The following SRGAP3 variants were observed in gnomAD, a reference collection of about 807,000 sequenced individuals.
The protein encoded by SRGAP3 is SLIT-ROBO Rho GTPase activating protein 3.
Under a neutral mutation model 121.1 loss-of-function variants are expected in SRGAP3, and 39 were observed. The ratio of observed to expected loss-of-function variants is 0.32; its 90% CI spans 0.25 to 0.42. The LOEUF (loss-of-function observed/expected upper bound fraction) is 0.42. Among genes scored for constraint, SRGAP3 ranks in the 10% least tolerant of loss-of-function variants. The pLI is 1.00. For missense variants in SRGAP3, 1,213 were observed against 1,470.6 expected (o/e 0.82, Z 2.86); for synonymous variants, 601 against 570.0 (o/e 1.05, Z -0.77).
intron 1 of SRGAP3, among the ~76,000 whole-genome samples, chr3:9,248,467 A>G (rs1214274416): frequency 6.6e-6 from 1 of 152,020 alleles, no homozygotes; most frequent in Non-Finnish European, 1.5e-5. Context: ...AGAAACCAAA[A>G]AGGGGGAGGA....
In SRGAP3 at chr3:9,296,588, T is replaced by C. The variant is rs559330101; in HGVS notation, n.442+29422A>G. On this transcript the variant is annotated intron_variant and non_coding_transcript_variant, in intron 3 of 3. Transcript: ENST00000490889. ...CCCCAGAGGCAGTGTGGAAGCATAATAGTTAAGAGTACAGGTTCTGGATTC... is the reference window on the plus strand; with the variant it reads ...CCCCAGAGGCAGTGTGGAAGCATAACAGTTAAGAGTACAGGTTCTGGATTC... Among the ~76,000 whole-genome samples, 199 of 152,322 alleles carry C rather than the reference T, an allele frequency of 1.3e-3. 1 individual carries two copies. The highest frequency in any genetic ancestry group is 2.3e-3 in the Non-Finnish European group (156 of 68,032).
chr3:9,277,607 CAAAAA>C (rs35955575), intron 3 of SRGAP3, among the ~76,000 whole-genome samples: 6 of 59,832 alleles, frequency 1.0e-4, no homozygotes, highest in African/African-American at 4.5e-4. Context: ...GAAGCCATCT[CAAAAA>C]AAAAAAAAAA....
chr3:9,150,126 G>A (rs565894137), intron 1 of SRGAP3, among the ~76,000 whole-genome samples: 1 of 152,210 alleles, frequency 6.6e-6, no homozygotes, highest in African/African-American at 2.4e-5. Flanking sequence ...ATACAGGGAG[G>A]TGAGCCTAAT....
intron 3 of SRGAP3, among the ~76,000 whole-genome samples, chr3:9,287,660 T>G (rs1284741513): frequency 6.6e-6 from 1 of 152,192 alleles, no homozygotes; most frequent in Non-Finnish European, 1.5e-5. Context: ...GGTACAATGT[T>G]CACTATTCGA....
chr3:9,112,593 GGA>G (rs1345105952), intron 2 of SRGAP3, among the ~76,000 whole-genome samples: 1 of 152,204 alleles, frequency 6.6e-6, no homozygotes, highest in Non-Finnish European at 1.5e-5. Flanking sequence ...CATGGAGCCT[GGA>G]GAGTCTTTAA....
chr3:9,309,499 C>T (rs563614349), intron 3 of SRGAP3, among the ~76,000 whole-genome samples: 5 of 152,280 alleles, frequency 3.3e-5, no homozygotes, highest in African/African-American at 1.2e-4. Context: ...TCCAACCCTG[C>T]GCTTTCAGGG....
chr3:9,091,739 G>A (rs901054421), intron 3 of SRGAP3, among the ~76,000 whole-genome samples: 2 of 152,010 alleles, frequency 1.3e-5, no homozygotes, highest in South Asian at 2.1e-4. Context: ...TCTCCATCCC[G>A]GCGCCAACCT....
chr3:9,331,515 A>T (rs555664219), intron 1 of SRGAP3, among the ~76,000 whole-genome samples: 75 of 152,130 alleles, frequency 4.9e-4, no homozygotes, highest in African/African-American at 1.6e-3. Context: ...ATGACCACCC[A>T]CCCCAGCCCC....
intron 1 of SRGAP3, among the ~76,000 whole-genome samples, chr3:9,136,112 C>G (rs1949636969): frequency 6.6e-6 from 1 of 152,228 alleles, no homozygotes; most frequent in Non-Finnish European, 1.5e-5. Flanking sequence ...CAGCCACCTT[C>G]TTCCAGCCTC....
chr3:9,002,090 A>C (rs1029120463), intron 18 of SRGAP3, among the ~76,000 whole-genome samples: 1 of 152,104 alleles, frequency 6.6e-6, no homozygotes, highest in Non-Finnish European at 1.5e-5. Flanking sequence ...AGAACACACC[A>C]CTCAGCAAGA....
chr3:9,198,584 A>T (rs1031576553), intron 1 of SRGAP3, among the ~76,000 whole-genome samples: 1 of 152,204 alleles, frequency 6.6e-6, no homozygotes, highest in South Asian at 2.1e-4. Context: ...TCATTTGTAC[A>T]GGGCCCTCCA....
At chr3:9,346,231 T>C (rs961243156) in intron 1 of SRGAP3, among the ~76,000 whole-genome samples, 1 of 151,914 alleles carries the variant, frequency 6.6e-6, no homozygotes, top group Non-Finnish European at 1.5e-5. Flanking sequence ...TGTTTTTCTA[T>C]CTTTAAATTT....
intron 1 of SRGAP3, among the ~76,000 whole-genome samples, chr3:9,144,448 T>C (rs567717914): frequency 2.0e-5 from 3 of 152,344 alleles, no homozygotes; most frequent in East Asian, 1.9e-4. Context: ...CCCTCTCCTA[T>C]TGATATGGTT....
rs1238869695 is a variant in SRGAP3, at chr3:9,123,405, T to C, written c.260+1320A>G. ...TATATATATACATACACAATACACA[T>C]ACATACACATACATGGAGAGGCCGG... is the stretch of plus-strand genomic sequence containing the variant. On this transcript the variant is annotated intron_variant, in intron 2 of 21. Transcript: ENST00000383836. Among the ~76,000 whole-genome samples the C allele has an allele frequency of 6.8e-3, 12 of 1,754 alleles. No individual in the cohort carries two copies. The South Asian group carries it at 0.18, about 26-fold the overall frequency. The allele number at this position is 1,754 out of a possible 152,430, so 1.2% of individuals were successfully genotyped here.
At chr3:9,247,812 G>T (rs957780834) in intron 1 of SRGAP3, among the ~76,000 whole-genome samples, 3 of 152,238 alleles carry the variant, frequency 2.0e-5, no homozygotes, top group Non-Finnish European at 4.4e-5. Flanking sequence ...CAGAAAGAAA[G>T]CGGACGCCAA....
chr3:9,166,406 T>C (rs931960879), intron 1 of SRGAP3, among the ~76,000 whole-genome samples: 15 of 152,310 alleles, frequency 9.8e-5, no homozygotes, highest in Non-Finnish European at 1.8e-4. Context: ...AAAGATAGAA[T>C]TTTAGCTGGG....
chr3:9,355,251 T>C (rs1378292100), intron 1 of SRGAP3, among the ~76,000 whole-genome samples: 1 of 152,202 alleles, frequency 6.6e-6, no homozygotes, highest in Admixed American at 6.5e-5. Context: ...CACCCACCCC[T>C]AATATCCTAG....
intron 10 of SRGAP3, among the ~76,000 whole-genome samples, chr3:9,042,197 T>C (rs1299711369): frequency 1.3e-5 from 2 of 152,084 alleles, no homozygotes; most frequent in Admixed American, 1.3e-4. Context: ...ATAATTTTGA[T>C]ATGTGTCAAT....
intron 7 of SRGAP3, among the ~76,000 whole-genome samples, chr3:9,057,629 G>A (rs1037914486): frequency 7.9e-5 from 12 of 152,242 alleles, no homozygotes; most frequent in African/African-American, 2.9e-4. Flanking sequence ...CACTGTTGGA[G>A]TGGGTTCCCC....
Sources: gnomAD v4.1 joint callset for allele counts (sites outside exome capture counted in the v4.1 genomes callset) on GRCh38, gnomAD v4.1.1 for gene constraint, MANE v1.5 for transcripts, NCBI Gene and HGNC (gene_info 2026-07-23, HGNC 2026-07-21) for gene names.